Variants in APBB1IP observed in about 807,000 individuals in gnomAD.
APBB1IP encodes amyloid beta precursor protein binding family B member 1 interacting protein, also known as amyloid beta A4 precursor protein-binding family B member 1-interacting protein.
A neutral mutation model predicts 64.9 loss-of-function variants in APBB1IP; 27 were observed. That is an observed-to-expected ratio of 0.42 (90% confidence interval 0.31 to 0.57). The LOEUF is 0.57. Among genes scored for constraint, APBB1IP ranks in the 20% least tolerant of loss-of-function variants. The pLI is 0.20. For missense variants in APBB1IP, 812 were observed against 845.5 expected, an observed-to-expected ratio of 0.96 and a Z score of 0.49; for synonymous variants, 392 against 331.0, an observed-to-expected ratio of 1.18 and a Z score of -2.00.
intron 8 of APBB1IP, among the ~76,000 whole-genome samples, chr10:26,526,769 G>A (rs1431442659): frequency 5.3e-5 from 8 of 151,978 alleles, no homozygotes; most frequent in Non-Finnish European, 1.2e-4. Flanking sequence ...GGAAAAGTTG[G>A]AAAATTCAGA....
At chr10:26,463,891 C>T (rs1835620865) in intron 2 of APBB1IP, among the ~76,000 whole-genome samples, 1 of 152,182 alleles carries the variant, frequency 6.6e-6, no homozygotes, top group Non-Finnish European at 1.5e-5. Flanking sequence ...TTCCCCGCCA[C>T]TTGCCCCCAA....
chr10:26,500,447 C>A (rs887084729), intron 4 of APBB1IP, among the ~76,000 whole-genome samples: 1 of 152,166 alleles, frequency 6.6e-6, no homozygotes, highest in Non-Finnish European at 1.5e-5. Flanking sequence ...CAATGCTCCC[C>A]CCTCTGCTAC....
intron 2 of APBB1IP, among the ~76,000 whole-genome samples, chr10:26,481,826 C>CGTGTGTGTGT (rs71521683): frequency 6.3e-5 from 9 of 143,344 alleles, no homozygotes; most frequent in East Asian, 2.1e-4. Context: ...CATCTCATTA[C>CGTGTGTGTGT]GTGTGTGTGT....
chr10:26,522,972 C>G (rs973731895), intron 8 of APBB1IP, among the ~76,000 whole-genome samples: 7 of 144,112 alleles, frequency 4.9e-5, no homozygotes, highest in Non-Finnish European at 1.0e-4. Context: ...CCATTGCACT[C>G]CAGCCTGGGT....
At chr10:26,500,232 A>G (rs896242527) in intron 4 of APBB1IP, among the ~76,000 whole-genome samples, 2 of 151,544 alleles carry the variant, frequency 1.3e-5, no homozygotes, top group Non-Finnish European at 2.9e-5. Flanking sequence ...AAAAAGAAAG[A>G]AAGAAAAAAG....
intron 4 of APBB1IP, among the ~76,000 whole-genome samples, chr10:26,499,834 G>C (rs868571290): frequency 3.8e-4 from 58 of 152,234 alleles, no homozygotes; most frequent in African/African-American, 1.3e-3. Flanking sequence ...CCAGCTTACT[G>C]TCTTCATTAA....
At chr10:26,556,724 G>A (rs10764633) in intron 11 of APBB1IP, among the ~76,000 whole-genome samples, 35,365 of 152,090 alleles carry the variant, frequency 0.23, 4,603 homozygotes, top group Non-Finnish European at 0.28. Context: ...TGGTTCTCAC[G>A]TGACATCTAC....
At chr10:26,558,340 T>C (rs1308168220) in intron 11 of APBB1IP, among the ~76,000 whole-genome samples, 1 of 152,202 alleles carries the variant, frequency 6.6e-6, no homozygotes, top group Non-Finnish European at 1.5e-5. Context: ...TGTGCTTGTT[T>C]CTTGATTCTT....
rs574288422 is a variant in APBB1IP, at chr10:26,497,335, A to G, written c.160+944A>G. ...GGGAGGCCGAGGTGGGCAGATCACA[A>G]GGTCAGGAGATCGAGACCATCCTGG... is the stretch of plus-strand genomic sequence containing the variant. On this transcript the variant is annotated intron_variant, in intron 4 of 14. Coordinates refer to ENST00000376236, the MANE Select transcript of APBB1IP (RefSeq NM_019043.4). Among the ~76,000 whole-genome samples, 64 of 152,184 alleles carry G rather than the reference A, an allele frequency of 4.2e-4. No individual in the cohort carries two copies. In the South Asian group the frequency reaches 0.013, roughly 30 times the overall value.
intron 2 of APBB1IP, among the ~76,000 whole-genome samples, chr10:26,446,015 G>A (rs1261185203): frequency 1.3e-5 from 2 of 152,156 alleles, no homozygotes; most frequent in Non-Finnish European, 2.9e-5. Context: ...TGTTTTCCAC[G>A]GGGCAGAAGT....
chr10:26,496,990 C>T lies in APBB1IP; in HGVS notation c.160+599C>T, dbSNP rs117666472. 9.0e-3 allele frequency among the ~76,000 whole-genome samples: 1,370 copies of T among 152,024 alleles called. 16 individuals carry two copies. The highest frequency in any genetic ancestry group is 0.014 in the Admixed American group (221 of 15,246). On this transcript the variant is annotated intron_variant, in intron 4 of 14. Transcript: ENST00000376236. ...ATTGCTTGAGCTCAGGAGTTTGAAA[C>T]CAGCCTGGACAACATGGCAAGACCC...
intron 5 of APBB1IP, among the ~76,000 whole-genome samples, chr10:26,502,654 A>G (rs1189512111): frequency 6.6e-6 from 1 of 152,192 alleles, no homozygotes; most frequent in Non-Finnish European, 1.5e-5. Context: ...AAAAAAAAAA[A>G]AAATCAGTCT....
chr10:26,454,937 G>A (rs1271133271), intron 2 of APBB1IP, among the ~76,000 whole-genome samples: 1 of 152,188 alleles, frequency 6.6e-6, no homozygotes, highest in Non-Finnish European at 1.5e-5. Flanking sequence ...TGAGGATGTG[G>A]AGAAATTGGG....
chr10:26,465,210 G>A (rs1835634584), intron 2 of APBB1IP, among the ~76,000 whole-genome samples: 1 of 152,176 alleles, frequency 6.6e-6, no homozygotes, highest in African/African-American at 2.4e-5. Context: ...GTGTGTGTCA[G>A]TATTCATCAA....
intron 2 of APBB1IP, among the ~76,000 whole-genome samples, chr10:26,458,303 G>A (rs1589192242): frequency 1.3e-5 from 2 of 152,042 alleles, no homozygotes; most frequent in African/African-American, 2.4e-5. Context: ...TGGGAAAGTC[G>A]CTTGAACCTA....
chr10:26,490,583 C>T (rs1835943449), intron 2 of APBB1IP, among the ~76,000 whole-genome samples: 1 of 152,148 alleles, frequency 6.6e-6, no homozygotes, highest in Admixed American at 6.5e-5. Context: ...TGAGATTGCA[C>T]CACTGCACCC....
chr10:26,445,129 AAAGAAAGAAAG>A (rs571443059), intron 2 of APBB1IP, among the ~76,000 whole-genome samples: 9,575 of 68,796 alleles, frequency 0.14, 516 homozygotes, highest in Middle Eastern at 0.18. Context: ...GAAAGAAAGA[AAAGAAAGAAAG>A]AAAGAAAGAA....
rs779102305 is a variant in APBB1IP at position 26,567,452 on chromosome 10, G to C, written c.1965G>C (p.Met655Ile). ...AGCAAGATTTCATGTCAGACCTCAT[G>C]AAAGCTTTGCAAAAGAAGAGAGGCA... ...GGEQDFMSDLMKALQKKRGNV... is the reference protein window; with the variant it reads ...GGEQDFMSDLIKALQKKRGNV... Residue 655 changes from methionine (M) to isoleucine (I), a missense_variant, in exon 15 of 15, where the codon ATG becomes ATC. Transcript: ENST00000376236. 5.0e-6 allele frequency: 8 copies of C among 1,603,206 alleles called. No individual in the cohort carries two copies. In the East Asian group the frequency reaches 1.8e-4, roughly 36 times the overall value.
At chr10:26,445,267 G>T (rs1835384441) in intron 2 of APBB1IP, among the ~76,000 whole-genome samples, 2 of 152,046 alleles carry the variant, frequency 1.3e-5, no homozygotes, top group African/African-American at 4.8e-5. Context: ...AGAAGGAGTT[G>T]ATCCAAAATC....
Sources: gnomAD v4.1 joint callset for allele counts (sites outside exome capture counted in the v4.1 genomes callset) on GRCh38, gnomAD v4.1.1 for gene constraint, MANE v1.5 for transcripts, NCBI Gene and HGNC (gene_info 2026-07-23, HGNC 2026-07-21) for gene names.